AFG1L: variants seen among roughly 807,000 people sequenced by gnomAD.
The protein encoded by AFG1L is AFG1 like ATPase.
A neutral mutation model predicts 62.2 loss-of-function variants in AFG1L; 53 were observed. The ratio of observed to expected loss-of-function variants is 0.85; its 90% CI spans 0.68 to 1.07. AFG1L has a LOEUF of 1.07. AFG1L is among the 50% of genes least tolerant of loss of function. The pLI, the probability that AFG1L is intolerant of heterozygous loss-of-function variation, is 0.00. For synonymous variants in AFG1L, 228 were observed against 210.3 expected, an observed-to-expected ratio of 1.08 and a Z score of -0.73; for missense variants, 555 against 590.5, an observed-to-expected ratio of 0.94 and a Z score of 0.62.
chr6:108,401,866 T>A, intron 6 of AFG1L, 130 bp from the exon 7 acceptor site: 3 of 526,692 alleles, frequency 5.7e-6, no homozygotes, highest in Non-Finnish European at 1.0e-5. Flanking sequence ...AAATCAATTT[T>A]GGTCTTTTTT....
intron 3 of AFG1L, among the ~76,000 whole-genome samples, chr6:108,349,960 C>G (rs549225142): frequency 6.6e-6 from 1 of 150,794 alleles, no homozygotes; most frequent in African/African-American, 2.4e-5. Flanking sequence ...CGGTGGCCCA[C>G]GCCTATAATG....
At chr6:108,394,413 G>A (rs543734012) in intron 6 of AFG1L, among the ~76,000 whole-genome samples, 1 of 152,006 alleles carries the variant, frequency 6.6e-6, no homozygotes, top group South Asian at 2.1e-4. Flanking sequence ...CCTCCCAAAG[G>A]GATGGAATTA....
chr6:108,444,914 C>T (rs1771698800), intron 7 of AFG1L, among the ~76,000 whole-genome samples: 1 of 152,198 alleles, frequency 6.6e-6, no homozygotes, highest in African/African-American at 2.4e-5. Context: ...AGAGAGTCAG[C>T]CTGTCCTTTG....
At chr6:108,428,916 G>C (rs1770942931) in intron 7 of AFG1L, among the ~76,000 whole-genome samples, 1 of 152,092 alleles carries the variant, frequency 6.6e-6, no homozygotes, top group Non-Finnish European at 1.5e-5. Context: ...TTGCTGTTTA[G>C]AAGCTTTTTA....
At chr6:108,354,666 G>A (rs2114452970) in intron 3 of AFG1L, among the ~76,000 whole-genome samples, 1 of 152,276 alleles carries the variant, frequency 6.6e-6, no homozygotes, top group East Asian at 1.9e-4. Flanking sequence ...AGTGAATACA[G>A]TGTGGATATG....
intron 7 of AFG1L, among the ~76,000 whole-genome samples, chr6:108,433,078 C>T (rs978215946): frequency 6.6e-6 from 1 of 152,176 alleles, no homozygotes; most frequent in Non-Finnish European, 1.5e-5. Flanking sequence ...TGAGGAAATC[C>T]TGCCGTGGGA....
At chr6:108,484,574 G>C (rs1191825579) in intron 10 of AFG1L, among the ~76,000 whole-genome samples, 2 of 152,138 alleles carry the variant, frequency 1.3e-5, no homozygotes, top group African/African-American at 2.4e-5. Flanking sequence ...CACTTGCCTT[G>C]CAATGCCAAA....
At chr6:108,367,563 C>T (rs1779811303) in intron 6 of AFG1L, among the ~76,000 whole-genome samples, 1 of 152,004 alleles carries the variant, frequency 6.6e-6, no homozygotes, top group African/African-American at 2.4e-5. Flanking sequence ...AGGTTTTGGC[C>T]TGAGCAATTG....
At chr6:108,407,367 T>G (rs1781902918) in intron 7 of AFG1L, among the ~76,000 whole-genome samples, 1 of 152,136 alleles carries the variant, frequency 6.6e-6, no homozygotes, top group Non-Finnish European at 1.5e-5. Context: ...GCTGGCTTCT[T>G]TAGCTCTAAG....
At chr6:108,380,467 G>A (rs552364207) in intron 6 of AFG1L, among the ~76,000 whole-genome samples, 3 of 152,218 alleles carry the variant, frequency 2.0e-5, no homozygotes, top group Admixed American at 6.5e-5. Context: ...TGCAAGTCTC[G>A]CCACCCAGGA....
At chr6:108,337,972 G>A (rs917406517) in intron 2 of AFG1L, among the ~76,000 whole-genome samples, 1 of 152,132 alleles carries the variant, frequency 6.6e-6, no homozygotes, top group African/African-American at 2.4e-5. Flanking sequence ...AATCCCTTGA[G>A]CCCAGGAGTT....
Position 108,524,606 on chromosome 6 carries a change from G to A in AFG1L, c.*2181G>A, listed in dbSNP as rs1775255056. 1 of 152,198 alleles carries A rather than the reference G, an allele frequency of 6.6e-6. No individual in the cohort carries two copies. Among genetic ancestry groups the A allele is most frequent in the Admixed American group, 6.5e-5 (1 of 15,276 alleles). The allele number at this position is 152,198 out of a possible 1,614,324, so 9.4% of individuals were successfully genotyped here. A position where few individuals can be genotyped will look rare whatever the true frequency, so the allele number is the denominator to read the frequency against. On this transcript the variant is annotated 3_prime_UTR_variant, in exon 13 of 13. Transcript: ENST00000368977. ...AAACTGTAGCTCAGTCTCCACCTAA[G>A]TAACTGGAGCATGTGCCCACTTCTG...
In AFG1L at chr6:108,355,636, AT is replaced by A. The variant is rs768680832; in HGVS notation, c.416-10del. 26 of 1,412,344 alleles carry A rather than the reference AT, an allele frequency of 1.8e-5. No individual in the cohort carries two copies. Among genetic ancestry groups the A allele is most frequent in the South Asian group, 7.5e-5 (6 of 80,010 alleles). 87.5% of individuals were successfully genotyped at this position (1,412,344 alleles called of 1,614,324 possible). ...CATACTATTTAATAGTATTCTTAAA[AT>A]TTTTTTTATTTTTAAGGTACAGGAA... is the stretch of plus-strand genomic sequence containing the variant. On this transcript the variant is annotated splice_polypyrimidine_tract_variant and intron_variant, in intron 3 of 12. Transcript: ENST00000368977.
chr6:108,421,855 TG>T (rs1250353621), intron 7 of AFG1L, among the ~76,000 whole-genome samples: 1 of 152,022 alleles, frequency 6.6e-6, no homozygotes, highest in Non-Finnish European at 1.5e-5. Context: ...CAATAAGAGA[TG>T]GGAATCATGC....
chr6:108,500,759 G>A (rs950520798), intron 10 of AFG1L, among the ~76,000 whole-genome samples: 13 of 152,094 alleles, frequency 8.5e-5, no homozygotes, highest in African/African-American at 3.1e-4. Context: ...GAACTAATTT[G>A]CATTCCCACC....
intron 7 of AFG1L, among the ~76,000 whole-genome samples, chr6:108,444,324 C>G (rs1156877519): frequency 1.3e-5 from 2 of 152,152 alleles, no homozygotes; most frequent in Non-Finnish European, 2.9e-5. Flanking sequence ...CAATAATCAT[C>G]TGAACTTTCA....
At chr6:108,316,627 A>G (rs1164518354) in intron 1 of AFG1L, among the ~76,000 whole-genome samples, 9 of 144,724 alleles carry the variant, frequency 6.2e-5, no homozygotes, top group Non-Finnish European at 9.0e-5. Context: ...TCCGCCTCCC[A>G]GGTTCACGCC....
chr6:108,522,191 C>G lies in AFG1L; in HGVS notation c.1318-106C>G, dbSNP rs1775150306. 3.2e-6 allele frequency: 3 copies of G among 940,884 alleles called. No homozygotes were observed. The East Asian group carries it at 7.7e-5, about 24-fold the overall frequency. 58.3% of individuals were successfully genotyped at this position (940,884 alleles called of 1,614,324 possible). Reference sequence around the variant, plus strand: ...GGAAAAAAAAAGTTATAAAAAAAGGCATAATCTAAACCGGTAAGCCTAAAA... The same window carrying G: ...GGAAAAAAAAAGTTATAAAAAAAGGGATAATCTAAACCGGTAAGCCTAAAA... On this transcript the variant is annotated intron_variant, in intron 12 of 12. Transcript: ENST00000368977.
intron 7 of AFG1L, among the ~76,000 whole-genome samples, chr6:108,440,771 A>C (rs1321128030): frequency 1.3e-5 from 2 of 150,866 alleles, no homozygotes; most frequent in Non-Finnish European, 2.9e-5. Flanking sequence ...CAGTGAGCTG[A>C]GATCATGCCA....
Sources: allele counts gnomAD v4.1 joint callset (sites outside exome capture counted in the v4.1 genomes callset), GRCh38; gene constraint gnomAD v4.1.1; transcripts MANE v1.5; gene names NCBI Gene and HGNC (gene_info 2026-07-23, HGNC 2026-07-21).